SLCO1A2: variants seen among roughly 807,000 people sequenced by gnomAD.
SLCO1A2 encodes OATP-1.
Under a neutral mutation model 69.0 loss-of-function variants are expected in SLCO1A2, and 67 were observed. The observed-to-expected ratio is 0.97, with a 90% CI of 0.80 to 1.19. The LOEUF (loss-of-function observed/expected upper bound fraction) is 1.19. Among genes scored for constraint, SLCO1A2 ranks in the 50% most tolerant of loss-of-function variants. The pLI is 0.00. For synonymous variants in SLCO1A2, 260 were observed against 265.9 expected, an observed-to-expected ratio of 0.98 and a Z score of 0.22; for missense variants, 787 against 793.7, an observed-to-expected ratio of 0.99 and a Z score of 0.10.
At chr12:21,394,689 G>T (rs143405723) in intron 1 of SLCO1A2, among the ~76,000 whole-genome samples, 2 of 152,130 alleles carry the variant, frequency 1.3e-5, no homozygotes, top group African/African-American at 4.8e-5. Flanking sequence ...AATCTACTGT[G>T]CACAGAGAAG....
chr12:21,302,163 C>T (rs1161506338), intron 6 of SLCO1A2, among the ~76,000 whole-genome samples: 1 of 152,104 alleles, frequency 6.6e-6, no homozygotes, highest in African/African-American at 2.4e-5. Flanking sequence ...GCTTTCTCTC[C>T]TTTCACTATA....
chr12:21,272,507 TTTATTA>T (rs1943058244), intron 14 of SLCO1A2, among the ~76,000 whole-genome samples: 1 of 151,980 alleles, frequency 6.6e-6, no homozygotes, highest in African/African-American at 2.4e-5. Flanking sequence ...GTGTTTTCCT[TTTATTA>T]TTAAGTAATA....
chr12:21,298,622 GGAGA>G (rs906706248), intron 8 of SLCO1A2, among the ~76,000 whole-genome samples: 2 of 152,110 alleles, frequency 1.3e-5, no homozygotes, highest in Non-Finnish European at 2.9e-5. Context: ...GTACCTGACA[GGAGA>G]GAGAGTTATC....
At chr12:21,401,297 C>A (rs1465387335) in intron 1 of SLCO1A2, among the ~76,000 whole-genome samples, 1 of 151,554 alleles carries the variant, frequency 6.6e-6, no homozygotes, top group Admixed American at 6.6e-5. Flanking sequence ...AAACCAAAGG[C>A]TTTTCTTTAT....
intron 2 of SLCO1A2, among the ~76,000 whole-genome samples, chr12:21,346,758 A>G (rs1199975601): frequency 1.3e-5 from 2 of 152,180 alleles, no homozygotes; most frequent in Non-Finnish European, 2.9e-5. Context: ...ACTCCCCCAT[A>G]AAAGTAACAC....
intron 1 of SLCO1A2, among the ~76,000 whole-genome samples, chr12:21,409,626 A>C (rs1941875911): frequency 6.6e-6 from 1 of 152,190 alleles, no homozygotes; most frequent in Non-Finnish European, 1.5e-5. Flanking sequence ...TGACTGCAGA[A>C]GCTCTAGTCA....
At chr12:21,397,318 G>C (rs1941504829), upstream of SLCO1A2, among the ~76,000 whole-genome samples, 1 of 151,914 alleles carries the variant, frequency 6.6e-6, no homozygotes, top group Admixed American at 6.6e-5. Flanking sequence ...AACAAGAAGA[G>C]CTAACTATCC....
intron 2 of SLCO1A2, chr12:21,373,322 G>A (rs778378535): frequency 2.7e-6 from 4 of 1,461,906 alleles, no homozygotes; most frequent in South Asian, 2.3e-5. Flanking sequence ...TTCAGTGCTG[G>A]ATTATTCTTT....
chr12:21,281,916 AGT>A (rs1238187936), intron 12 of SLCO1A2, among the ~76,000 whole-genome samples: 11 of 152,308 alleles, frequency 7.2e-5, no homozygotes, highest in Non-Finnish European at 1.3e-4. Flanking sequence ...ATCAATAAAA[AGT>A]AATGAGATTG....
chr12:21,285,976 C>A (rs1244327474), intron 12 of SLCO1A2, among the ~76,000 whole-genome samples: 2 of 152,184 alleles, frequency 1.3e-5, no homozygotes, highest in African/African-American at 2.4e-5. Context: ...TCTCACCACT[C>A]CTATTCAATA....
intron 1 of SLCO1A2, among the ~76,000 whole-genome samples, chr12:21,377,831 A>G (rs1423164695): frequency 6.6e-6 from 1 of 152,220 alleles, no homozygotes; most frequent in East Asian, 1.9e-4. Flanking sequence ...GGAAAGATGT[A>G]GAAATAATTA....
intron 8 of SLCO1A2, among the ~76,000 whole-genome samples, chr12:21,299,555 G>A (rs961817869): frequency 6.0e-5 from 9 of 149,674 alleles, no homozygotes; most frequent in Non-Finnish European, 1.2e-4. Context: ...GTGGGTCACC[G>A]ATCATGTTTT....
intron 1 of SLCO1A2, among the ~76,000 whole-genome samples, chr12:21,391,389 A>C (rs928072640): frequency 6.6e-6 from 1 of 152,182 alleles, no homozygotes; most frequent in African/African-American, 2.4e-5. Flanking sequence ...TCTGTTAGTT[A>C]AATGGCAAAA....
chr12:21,410,922 A>G (rs575224660), intron 1 of SLCO1A2, among the ~76,000 whole-genome samples: 1 of 152,004 alleles, frequency 6.6e-6, no homozygotes, highest in South Asian at 2.1e-4. Flanking sequence ...CTGTTATTCT[A>G]TTGGGTTATT....
At chr12:21,315,697 G>A (rs1238197647) in intron 3 of SLCO1A2, among the ~76,000 whole-genome samples, 3 of 152,054 alleles carry the variant, frequency 2.0e-5, no homozygotes, top group Non-Finnish European at 2.9e-5. Flanking sequence ...GCGCCCCACC[G>A]CAATAACTAT....
intron 11 of SLCO1A2, among the ~76,000 whole-genome samples, chr12:21,293,505 T>A (rs530229546): frequency 1.3e-5 from 2 of 151,890 alleles, no homozygotes; most frequent in African/African-American, 4.8e-5. Context: ...AATTCTAAAT[T>A]CTCAAAGAAC....
intron 1 of SLCO1A2, among the ~76,000 whole-genome samples, chr12:21,406,571 GC>G (rs1284706176): frequency 1.1e-4 from 16 of 152,276 alleles, no homozygotes; most frequent in Admixed American, 4.6e-4. Flanking sequence ...TTTATGATGT[GC>G]CACAGGTCAT....
At chr12:21,309,828 T>C (rs945962250) in intron 4 of SLCO1A2, among the ~76,000 whole-genome samples, 1 of 152,084 alleles carries the variant, frequency 6.6e-6, no homozygotes, top group African/African-American at 2.4e-5. Context: ...GAAATAGCAA[T>C]GCAGCAGGCC....
chr12:21,407,691 C>T (rs755886216), intron 1 of SLCO1A2, among the ~76,000 whole-genome samples: 106 of 152,092 alleles, frequency 7.0e-4, no homozygotes, highest in Non-Finnish European at 1.4e-3. Flanking sequence ...GTCCCAGCTA[C>T]TCCCTACTCA....
Sources: allele counts gnomAD v4.1 joint callset (sites outside exome capture counted in the v4.1 genomes callset), GRCh38; gene constraint gnomAD v4.1.1; transcripts MANE v1.5; gene names NCBI Gene and HGNC (gene_info 2026-07-23, HGNC 2026-07-21).